Variants in GRHL2 observed in about 807,000 individuals in gnomAD.
The protein encoded by GRHL2 is grainyhead like transcription factor 2.
GRHL2 carries 21 observed loss-of-function variants against 83.8 expected under a neutral mutation model. The ratio of observed to expected loss-of-function variants is 0.25; its 90% CI spans 0.18 to 0.36. GRHL2 has a LOEUF of 0.36. Among genes scored for constraint, GRHL2 ranks in the 10% least tolerant of loss-of-function variants. GRHL2 has a pLI of 1.00. For synonymous variants in GRHL2, 280 were observed against 278.9 expected, an observed-to-expected ratio of 1.00 and a Z score of -0.04; for missense variants, 623 against 781.8, an observed-to-expected ratio of 0.80 and a Z score of 2.42.
intron 1 of GRHL2, among the ~76,000 whole-genome samples, chr8:101,533,110 C>A (rs1810972891): frequency 6.6e-6 from 1 of 151,686 alleles, no homozygotes; most frequent in Non-Finnish European, 1.5e-5. Flanking sequence ...TCCTAGGTCA[C>A]ATTTAAGGAG....
intron 7 of GRHL2, among the ~76,000 whole-genome samples, chr8:101,594,537 G>A (rs370280441): frequency 2.6e-5 from 4 of 152,178 alleles, no homozygotes; most frequent in East Asian, 3.8e-4. Flanking sequence ...TTTATTTGTC[G>A]GACAACTATG....
intron 8 of GRHL2, among the ~76,000 whole-genome samples, chr8:101,613,369 C>T (rs552198081): frequency 6.6e-6 from 1 of 150,856 alleles, no homozygotes; most frequent in East Asian, 1.9e-4. Context: ...TATAATTGTA[C>T]GTTTTATGAA....
chr8:101,523,005 G>A (rs1810721547), intron 1 of GRHL2, among the ~76,000 whole-genome samples: 1 of 151,362 alleles, frequency 6.6e-6, no homozygotes, highest in South Asian at 2.1e-4. Context: ...CGCCTCCCTG[G>A]TTCAAGTGAT....
intron 1 of GRHL2, among the ~76,000 whole-genome samples, chr8:101,514,844 T>C (rs1405102060): frequency 6.6e-6 from 1 of 152,088 alleles, no homozygotes; most frequent in Non-Finnish European, 1.5e-5. Flanking sequence ...ACTTCCATGC[T>C]CACTTTTCTC....
intron 11 of GRHL2, among the ~76,000 whole-genome samples, chr8:101,632,999 T>C (rs1747442777): frequency 1.3e-5 from 2 of 152,176 alleles, no homozygotes; most frequent in African/African-American, 4.8e-5. Context: ...CACTAAAATT[T>C]TAATTATGGA....
chr8:101,665,205 G>T (rs763999033), intron 15 of GRHL2, among the ~76,000 whole-genome samples: 14 of 152,148 alleles, frequency 9.2e-5, no homozygotes, highest in African/African-American at 2.9e-4. Context: ...TGTCCTCAAA[G>T]CTCAAGTGCT....
intron 7 of GRHL2, among the ~76,000 whole-genome samples, chr8:101,588,755 C>G (rs1249415909): frequency 6.6e-6 from 1 of 152,212 alleles, no homozygotes; most frequent in Non-Finnish European, 1.5e-5. Context: ...GTCTGCAACT[C>G]TGAAGTACAA....
In GRHL2 at chr8:101,652,395, GTGTC is replaced by G. The variant is rs1435486599; in HGVS notation, c.1698+2899_1698+2902del. 8.0e-3 allele frequency among the ~76,000 whole-genome samples: 458 copies of G among 57,262 alleles called. 30 individuals are homozygous for G. The highest frequency in any genetic ancestry group is 0.049 in the African/African-American group (293 of 6,018). 37.6% of individuals were successfully genotyped at this position (57,262 alleles called of 152,430 possible). A position where few individuals can be genotyped will look rare whatever the true frequency, so the allele number is the denominator to read the frequency against. ...TCTGATGTGTGTGTGGTGTGTGTGT[GTGTC>G]TGGTGTGTGTGTGGTGTGTGTGTGT... On this transcript the variant is annotated intron_variant, in intron 14 of 15. Coordinates refer to ENST00000646743, the MANE Select transcript of GRHL2 (RefSeq NM_024915.4).
At chr8:101,552,836 G>A (rs1811412487) in intron 3 of GRHL2, 54 bp downstream of exon 3, 2 of 1,513,564 alleles carry the variant, frequency 1.3e-6, no homozygotes, top group African/African-American at 2.8e-5. Context: ...AAAAAACAAT[G>A]TTATTAAACT....
chr8:101,677,296 A>C, the GRHL2 span, among the ~76,000 whole-genome samples: 1 of 151,984 alleles, frequency 6.6e-6, no homozygotes, highest in Non-Finnish European at 1.5e-5. Context: ...CTCATAGACC[A>C]CTGAGGAAAG....
intron 2 of GRHL2, among the ~76,000 whole-genome samples, chr8:101,551,907 C>T (rs1198146605): frequency 6.6e-6 from 1 of 150,998 alleles, no homozygotes; most frequent in Non-Finnish European, 1.5e-5. Context: ...GCGATCTCGG[C>T]TCACTGCAAG....
At chr8:101,584,443 T>C (rs1221454758) in intron 7 of GRHL2, among the ~76,000 whole-genome samples, 2 of 152,184 alleles carry the variant, frequency 1.3e-5, no homozygotes, top group Non-Finnish European at 2.9e-5. Flanking sequence ...AAAGGAAGCC[T>C]CTTAAGAGAC....
intron 3 of GRHL2, among the ~76,000 whole-genome samples, chr8:101,555,380 G>T (rs1441756363): frequency 6.6e-6 from 1 of 152,086 alleles, no homozygotes; most frequent in Non-Finnish European, 1.5e-5. Context: ...GTGAAGGAAT[G>T]CTGGAACCTT....
chr8:101,635,137 T>C (rs1813261163), intron 11 of GRHL2, among the ~76,000 whole-genome samples: 1 of 152,196 alleles, frequency 6.6e-6, no homozygotes, highest in Non-Finnish European at 1.5e-5. Flanking sequence ...AAAAAACTTT[T>C]CCCACATCAC....
At chr8:101,577,325 C>T in intron 6 of GRHL2, 83 bp from the exon 7 acceptor site, 1 of 850,230 alleles carries the variant, frequency 1.2e-6, no homozygotes, top group Non-Finnish European at 2.0e-6. Context: ...ACAAACACAC[C>T]TCTGGTAGAA....
chr8:101,510,127 G>A (rs1810433680), intron 1 of GRHL2, among the ~76,000 whole-genome samples: 1 of 152,082 alleles, frequency 6.6e-6, no homozygotes, highest in African/African-American at 2.4e-5. Flanking sequence ...AGTAGCTGTA[G>A]CTGGAACTAC....
chr8:101,668,229 G>C lies in GRHL2; in HGVS notation c.*1526G>C, dbSNP rs892231337. 8 of 152,642 alleles carry C rather than the reference G, an allele frequency of 5.2e-5. No individual in the cohort carries two copies. The highest frequency in any genetic ancestry group is 1.7e-4 in the African/African-American group (7 of 41,422). 9.5% of individuals were successfully genotyped at this position (152,642 alleles called of 1,614,324 possible). ...GGTTTAGGGGTTTGCGTTCGCCCTT[G>C]TGGGCTGAAGCACTAGCTTTTTGGT... On this transcript the variant is annotated 3_prime_UTR_variant, in exon 16 of 16. Transcript: ENST00000646743.
At chr8:101,623,216 C>T (rs1301668747) in intron 9 of GRHL2, among the ~76,000 whole-genome samples, 1 of 152,260 alleles carries the variant, frequency 6.6e-6, no homozygotes, top group Admixed American at 6.5e-5. Context: ...TCTCAACGGC[C>T]TTTCAGGCCA....
At chr8:101,677,073 A>AG in the GRHL2 span, among the ~76,000 whole-genome samples, 5 of 150,780 alleles carry the variant, frequency 3.3e-5, no homozygotes, top group East Asian at 2.0e-4. Context: ...GGGTGGGGTG[A>AG]GGGGGGGATA....
Sources: allele counts gnomAD v4.1 joint callset (sites outside exome capture counted in the v4.1 genomes callset), GRCh38; gene constraint gnomAD v4.1.1; transcripts MANE v1.5; gene names NCBI Gene and HGNC (gene_info 2026-07-23, HGNC 2026-07-21).